Variants in PDE3B observed in about 807,000 individuals in gnomAD.
The protein encoded by PDE3B is phosphodiesterase 3B, also known as cGMP-inhibited 3',5'-cyclic phosphodiesterase 3B.
PDE3B carries 66 observed loss-of-function variants against 116.8 expected under a neutral mutation model. That is an observed-to-expected ratio of 0.56 (90% CI 0.46 to 0.69). The LOEUF is 0.69. Among genes scored for constraint, PDE3B ranks in the 30% least tolerant of loss-of-function variants. PDE3B has a pLI of 0.00. For missense variants in PDE3B, 1,384 were observed against 1,368.1 expected (o/e 1.01, Z -0.18); for synonymous variants, 595 against 533.6 (o/e 1.12, Z -1.59).
At chr11:14,676,935 G>T (rs762580562) in intron 1 of PDE3B, among the ~76,000 whole-genome samples, 1 of 151,974 alleles carries the variant, frequency 6.6e-6, no homozygotes, top group Non-Finnish European at 1.5e-5. Context: ...TTTTCTTCTA[G>T]AAGTTTTATG....
intron 1 of PDE3B, among the ~76,000 whole-genome samples, chr11:14,689,798 T>C (rs1854995088): frequency 6.6e-6 from 1 of 152,196 alleles, no homozygotes; most frequent in African/African-American, 2.4e-5. Context: ...TAAAATCCTT[T>C]CAAGTCTGTA....
chr11:14,842,012 T>G (rs1847482573), intron 11 of PDE3B, among the ~76,000 whole-genome samples: 1 of 152,026 alleles, frequency 6.6e-6, no homozygotes. Flanking sequence ...TATGTAGAAA[T>G]GCAATTGATT....
chr11:14,834,648 T>G (rs1206741583), intron 10 of PDE3B, among the ~76,000 whole-genome samples: 1 of 152,244 alleles, frequency 6.6e-6, no homozygotes, highest in African/African-American at 2.4e-5. Context: ...AAAACTGTTT[T>G]GTGTGCAAAC....
chr11:14,668,467 A>G (rs925876332), intron 1 of PDE3B, among the ~76,000 whole-genome samples: 9 of 152,118 alleles, frequency 5.9e-5, no homozygotes, highest in Non-Finnish European at 1.3e-4. Context: ...AGACATTACT[A>G]TATTTTTTAA....
At chr11:14,777,187 C>T (rs1857813657) in intron 2 of PDE3B, among the ~76,000 whole-genome samples, 3 of 152,042 alleles carry the variant, frequency 2.0e-5, no homozygotes, top group Admixed American at 1.3e-4. Context: ...AAGCATAGAT[C>T]AATAGAATTT....
intron 1 of PDE3B, among the ~76,000 whole-genome samples, chr11:14,662,176 C>G (rs931456760): frequency 2.0e-5 from 3 of 152,218 alleles, no homozygotes; most frequent in African/African-American, 4.8e-5. Context: ...GCAGCCACCG[C>G]TGCTGTTACC....
In PDE3B at chr11:14,644,771, C is replaced by T. The variant is rs764736006; in HGVS notation, c.696C>T (p.Val232=). Residue 232 remains valine (V), a synonymous_variant, in exon 1 of 16, where the codon GTC becomes GTT. Transcript: ENST00000282096. The stretch of plus-strand genomic sequence containing the variant: ...TCCTGGCCAGCTTCGTCTGGTGGGT[C>T]TCCTTCACCAGCCTCGGGTCGCTGC... ...VLLLASFVWW[V]SFTSLGSLPS... The T allele has an allele frequency of 1.9e-6, 3 of 1,605,522 alleles. No individual in the cohort carries two copies. Among genetic ancestry groups the T allele is most frequent in the Non-Finnish European group, 8.5e-7 (1 of 1,176,676 alleles).
At chr11:14,759,572 C>CA (rs1857296304) in intron 1 of PDE3B, among the ~76,000 whole-genome samples, 1 of 133,826 alleles carries the variant, frequency 7.5e-6, no homozygotes, top group African/African-American at 2.9e-5. Flanking sequence ...TTTTTTGAGA[C>CA]AGAGTCTTGC....
rs545157013 is a variant in PDE3B at position 14,819,370 on chromosome 11, T to G, written c.1807+161T>G. ...CAGAGGACTTATTTAGAACAAATTA[T>G]AAGTAATAGATGGTGAAAGTAATTC... On this transcript the variant is annotated intron_variant, in intron 7 of 15. Coordinates refer to ENST00000282096, the MANE Select transcript of PDE3B (RefSeq NM_000922.4). Among the ~76,000 whole-genome samples, 67 of 152,262 alleles carry G rather than the reference T, an allele frequency of 4.4e-4. No homozygotes were observed. The Middle Eastern group carries it at 0.017, about 39-fold the overall frequency.
At chr11:14,680,071 G>A (rs1414107121) in intron 1 of PDE3B, among the ~76,000 whole-genome samples, 1 of 152,154 alleles carries the variant, frequency 6.6e-6, no homozygotes, top group African/African-American at 2.4e-5. Context: ...CATGCAAAGC[G>A]GCACTGGTGC....
the PDE3B span, chr11:14,878,236 T>C: frequency 1.9e-6 from 3 of 1,613,116 alleles, no homozygotes; most frequent in East Asian, 6.7e-5. Context: ...TCTGAAGCAA[T>C]GCTGTAAAAA....
chr11:14,722,603 TA>T (rs1856153278), intron 1 of PDE3B, among the ~76,000 whole-genome samples: 1 of 152,186 alleles, frequency 6.6e-6, no homozygotes, highest in Admixed American at 6.6e-5. Flanking sequence ...CAAATCTTGG[TA>T]AAAAGTTTTT....
At chr11:14,756,330 C>CT (rs1857180207) in intron 1 of PDE3B, among the ~76,000 whole-genome samples, 4 of 152,032 alleles carry the variant, frequency 2.6e-5, no homozygotes, top group Admixed American at 2.6e-4. Context: ...TAATGACAGA[C>CT]TATTTATAAA....
Position 14,834,150 on chromosome 11 carries a change from C to T in PDE3B, c.2207-832C>T, listed in dbSNP as rs150499750. On this transcript the variant is annotated intron_variant, in intron 10 of 15. Coordinates refer to ENST00000282096, the MANE Select transcript of PDE3B (RefSeq NM_000922.4). ...TAATAATAATTAAGTTCCCAGTGTA[C>T]GCCATGTCATATCTATAGGCAAAAC... Among the ~76,000 whole-genome samples the T allele has an allele frequency of 1.6e-3, 237 of 152,228 alleles. 1 individual carries two copies. Among genetic ancestry groups the T allele is most frequent in the East Asian group, 8.5e-3 (44 of 5,188 alleles).
chr11:14,746,522 C>T (rs1022945747), intron 1 of PDE3B, among the ~76,000 whole-genome samples: 19 of 152,186 alleles, frequency 1.2e-4, no homozygotes, highest in Admixed American at 1.0e-3. Flanking sequence ...CAATTTAGGA[C>T]AACTCTGAAG....
intron 1 of PDE3B, among the ~76,000 whole-genome samples, chr11:14,770,387 G>T (rs115953582): frequency 1.3e-3 from 190 of 151,502 alleles, no homozygotes; most frequent in African/African-American, 4.2e-3. Context: ...TTGCAGTTGG[G>T]TCTAAAAAGC....
chr11:14,722,648 C>G (rs185709151), intron 1 of PDE3B, among the ~76,000 whole-genome samples: 155 of 152,234 alleles, frequency 1.0e-3, no homozygotes, highest in African/African-American at 3.7e-3. Context: ...ACCATGTGAG[C>G]GAGCTGAGAA....
Position 14,795,164 on chromosome 11 carries a change from G to A in PDE3B, c.1415+5922G>A, listed in dbSNP as rs1005383984. Among the ~76,000 whole-genome samples, 6 of 152,222 alleles carry A rather than the reference G, an allele frequency of 3.9e-5. No homozygotes were observed. In the East Asian group the frequency reaches 5.8e-4, roughly 15 times the overall value. ...CTCTCTCTGGAGGTTGGGTAGTGGG[G>A]CTGAAAACCCCCATCATCTAATCCT... On this transcript the variant is annotated intron_variant, in intron 4 of 15. Transcript: ENST00000282096.
intron 1 of PDE3B, among the ~76,000 whole-genome samples, chr11:14,655,258 A>C (rs982103504): frequency 1.3e-5 from 2 of 152,170 alleles, no homozygotes; most frequent in Non-Finnish European, 2.9e-5. Flanking sequence ...TGTAATTATA[A>C]AAGACTGAAT....
Sources: gnomAD v4.1 joint callset for allele counts (sites outside exome capture counted in the v4.1 genomes callset) on GRCh38, gnomAD v4.1.1 for gene constraint, MANE v1.5 for transcripts, NCBI Gene and HGNC (gene_info 2026-07-23, HGNC 2026-07-21) for gene names.